Variants in MIA2 observed in about 807,000 individuals in gnomAD.
MIA2 encodes MIA SH3 domain ER export factor 2.
MIA2 carries 127 observed loss-of-function variants against 167.8 expected under a neutral mutation model. The observed-to-expected ratio is 0.76, with a 90% confidence interval of 0.66 to 0.88. The LOEUF is 0.88. MIA2 is among the 40% of genes least tolerant of loss of function. The probability of loss-of-function intolerance (pLI) is 0.00; values close to 1 mark genes in which losing one functional copy is unlikely to be tolerated. For missense variants in MIA2, 1,690 were observed against 1,624.7 expected (o/e 1.04, Z -0.69); for synonymous variants, 552 against 541.9 (o/e 1.02, Z -0.26).
chr14:39,253,193 T>G (rs1408295140), intron 6 of MIA2, 22 bp downstream of exon 6: 1 of 1,605,760 alleles, frequency 6.2e-7, no homozygotes, highest in African/African-American at 1.3e-5. Flanking sequence ...TTTTAAACCT[T>G]TTGCAATAAT....
At chr14:39,253,300 C>A in intron 6 of MIA2, 129 bp downstream of exon 6, 1 of 1,197,778 alleles carries the variant, frequency 8.3e-7, no homozygotes, top group Non-Finnish European at 1.2e-6. Flanking sequence ...TCCATGACAT[C>A]TTACCTGTAA....
chr14:39,285,999 G>T (rs535285070), intron 9 of MIA2, among the ~76,000 whole-genome samples: 1 of 151,886 alleles, frequency 6.6e-6, no homozygotes, highest in African/African-American at 2.4e-5. Flanking sequence ...CATCCTAGAC[G>T]ATGGGCGGCC....
intron 23 of MIA2, among the ~76,000 whole-genome samples, chr14:39,373,772 G>A (rs1476679511): frequency 6.6e-6 from 1 of 152,150 alleles, no homozygotes; most frequent in Non-Finnish European, 1.5e-5. Flanking sequence ...AGTGAGCTGA[G>A]ATCATGCCAT....
At chr14:39,295,127 T>A in intron 13 of MIA2, 98 bp downstream of exon 13, 1 of 805,502 alleles carries the variant, frequency 1.2e-6, no homozygotes, top group South Asian at 1.5e-5. Flanking sequence ...AGTATAGGCT[T>A]TTCCTTGAGA....
At chr14:39,342,044 T>C (rs1483928167) in intron 25 of MIA2, among the ~76,000 whole-genome samples, 1 of 150,314 alleles carries the variant, frequency 6.7e-6, no homozygotes, top group African/African-American at 2.5e-5. Context: ...ATACTCTAAG[T>C]TTTAGGGTTC....
At chr14:39,357,388 T>C (rs898597933) in intron 23 of MIA2, among the ~76,000 whole-genome samples, 1 of 152,232 alleles carries the variant, frequency 6.6e-6, no homozygotes, top group Non-Finnish European at 1.5e-5. Flanking sequence ...TGCCTTTTTT[T>C]GTTTTCCATT....
At chr14:39,367,038 C>T (rs551170346) in intron 23 of MIA2, among the ~76,000 whole-genome samples, 28 of 152,324 alleles carry the variant, frequency 1.8e-4, no homozygotes, top group African/African-American at 6.3e-4. Context: ...TGGAAAGCCA[C>T]GCAGTTGTGC....
rs758436233 is a variant in MIA2, at chr14:39,327,024, T to TA, written c.3655+3dup. ...GTAGGATGATGTTTCCTCCGCCAGG[T>TA]ATGTAAAGACAATAGTTATTATTTC... On this transcript the variant is annotated splice_region_variant and intron_variant, in intron 25 of 28. Coordinates refer to ENST00000640607, the MANE Select transcript of MIA2 (RefSeq NM_001329214.4). 18 of 1,511,780 alleles carry TA rather than the reference T, an allele frequency of 1.2e-5. No homozygotes were observed. The South Asian group carries it at 2.3e-4, about 20-fold the overall frequency. The allele number at this position is 1,511,780 out of a possible 1,614,324, so 93.6% of individuals were successfully genotyped here. A position where few individuals can be genotyped will look rare whatever the true frequency, so the allele number is the denominator to read the frequency against.
At chr14:39,339,201 T>A (rs1439533735) in intron 25 of MIA2, among the ~76,000 whole-genome samples, 1 of 152,200 alleles carries the variant, frequency 6.6e-6, no homozygotes, top group African/African-American at 2.4e-5. Flanking sequence ...TAGGTGGTAA[T>A]GCTCGCTTGC....
intron 23 of MIA2, among the ~76,000 whole-genome samples, chr14:39,360,599 T>G (rs753577922): frequency 6.6e-6 from 1 of 152,172 alleles, no homozygotes; most frequent in Non-Finnish European, 1.5e-5. Context: ...ATTCAACCAC[T>G]TGTCTCTTAA....
chr14:39,261,981 G>A (rs986565300), intron 6 of MIA2, among the ~76,000 whole-genome samples: 3 of 152,078 alleles, frequency 2.0e-5, no homozygotes, highest in African/African-American at 2.4e-5. Flanking sequence ...CTGTGCAGAA[G>A]CTCTTTAGTT....
chr14:39,298,530 GTTTTTTTT>G (rs764475842), intron 13 of MIA2, among the ~76,000 whole-genome samples: 1 of 26,180 alleles, frequency 3.8e-5, no homozygotes, highest in African/African-American at 1.6e-4. Flanking sequence ...GTAGAACAGA[GTTTTTTTT>G]TTTTTTTTTT....
At chr14:39,366,122 C>A (rs747014662) in intron 23 of MIA2, among the ~76,000 whole-genome samples, 1 of 152,134 alleles carries the variant, frequency 6.6e-6, no homozygotes, top group African/African-American at 2.4e-5. Flanking sequence ...TTTCATCAGT[C>A]GCTTAGGCTG....
intron 17 of MIA2, 57 bp from the exon 18 acceptor site, chr14:39,308,392 G>A: frequency 9.2e-7 from 1 of 1,086,524 alleles, no homozygotes; most frequent in Non-Finnish European, 1.3e-6. Context: ...TTTCTGAAAT[G>A]TTAATATGCA....
intron 23 of MIA2, among the ~76,000 whole-genome samples, chr14:39,363,520 C>A (rs1253946244): frequency 1.3e-5 from 2 of 152,084 alleles, no homozygotes; most frequent in Non-Finnish European, 2.9e-5. Flanking sequence ...CACAGCGAGA[C>A]CCTGTCTCAA....
chr14:39,272,825 C>T (rs937453868), intron 6 of MIA2, among the ~76,000 whole-genome samples: 5 of 152,174 alleles, frequency 3.3e-5, no homozygotes, highest in Admixed American at 6.5e-5. Context: ...AGTCTTCCTT[C>T]GTTGCTTTCC....
rs188690518 is a variant in MIA2 at position 39,334,636 on chromosome 14, A to T, written c.3655+7614A>T. ...GGCTGGGGTGCAATGGTGCCATCTCAGCTCACTGCAACCTCTGCCTCCCGG... is the reference window on the plus strand; with the variant it reads ...GGCTGGGGTGCAATGGTGCCATCTCTGCTCACTGCAACCTCTGCCTCCCGG... On this transcript the variant is annotated intron_variant, in intron 25 of 28. Coordinates refer to ENST00000640607, the MANE Select transcript of MIA2 (RefSeq NM_001329214.4). Among the ~76,000 whole-genome samples the T allele has an allele frequency of 1.8e-3, 278 of 151,008 alleles. 1 individual carries two copies. Among genetic ancestry groups the T allele is most frequent in the African/African-American group, 6.0e-3 (249 of 41,228 alleles).
chr14:39,267,479 C>A, intron 6 of MIA2: 3 of 1,613,244 alleles, frequency 1.9e-6, no homozygotes, highest in Middle Eastern at 1.8e-4. Flanking sequence ...CCCGGGGTTA[C>A]CCCTCAACCG....
downstream of MIA2, among the ~76,000 whole-genome samples, chr14:39,355,708 T>C (rs1323137640): frequency 1.3e-5 from 2 of 152,314 alleles, no homozygotes; most frequent in East Asian, 3.9e-4. Flanking sequence ...ATAGCTCTTA[T>C]TATTTTGAGA....
Sources: gnomAD v4.1 joint callset for allele counts (sites outside exome capture counted in the v4.1 genomes callset) on GRCh38, gnomAD v4.1.1 for gene constraint, MANE v1.5 for transcripts, NCBI Gene and HGNC (gene_info 2026-07-23, HGNC 2026-07-21) for gene names.